The following SARDH variants were observed in gnomAD, a reference collection of about 807,000 sequenced individuals.
SARDH encodes sarcosine dehydrogenase, also known as sarcosine dehydrogenase, mitochondrial.
A neutral mutation model predicts 109.1 loss-of-function variants in SARDH; 95 were observed. The observed-to-expected ratio is 0.87, with a 90% CI of 0.74 to 1.03. The LOEUF is 1.03. SARDH is among the 50% of genes least tolerant of loss of function. The probability of loss-of-function intolerance (pLI) is 0.00; values close to 1 mark genes in which losing one functional copy is unlikely to be tolerated. For synonymous variants in SARDH, 572 were observed against 534.8 expected, an observed-to-expected ratio of 1.07 and a Z score of -0.96; for missense variants, 1,267 against 1,287.8, an observed-to-expected ratio of 0.98 and a Z score of 0.25.
intron 11 of SARDH, among the ~76,000 whole-genome samples, chr9:133,708,018 GGTTCCTGGGTGTGCGTTCCT>G (rs1831761064): frequency 6.6e-6 from 1 of 152,138 alleles, no homozygotes; most frequent in Admixed American, 6.5e-5. Flanking sequence ...GGCAGGGGGC[GGTTCCTGGGTGTGCGTTCCT>G]GCTCCTCCAC....
downstream of SARDH, chr9:133,663,510 C>A (rs886876012): frequency 4.6e-5 from 12 of 261,228 alleles, no homozygotes; most frequent in African/African-American, 2.6e-4. Flanking sequence ...GGAAGCCCGC[C>A]ACCGATCAGT....
intron 17 of SARDH, among the ~76,000 whole-genome samples, 191 bp from the exon 18 acceptor site, chr9:133,671,888 TGAG>T (rs924718597): frequency 1.6e-4 from 25 of 152,200 alleles, no homozygotes; most frequent in African/African-American, 5.3e-4. Context: ...TGGAAATCTT[TGAG>T]GAGAAGTAGG....
At chr9:133,729,676 G>T in intron 6 of SARDH, 89 bp downstream of exon 6, 1 of 1,157,092 alleles carries the variant, frequency 8.6e-7, no homozygotes, top group South Asian at 1.4e-5. Context: ...GACCCACAAG[G>T]GTCACACCAC....
upstream of SARDH, chr9:133,738,364 G>GC (rs1184731059): frequency 1.4e-5 from 2 of 147,296 alleles, no homozygotes; most frequent in African/African-American, 5.0e-5. Flanking sequence ...GGCCTCCCCC[G>GC]CCCCCCACCC....
chr9:133,675,936 T>A (rs1013697122), intron 17 of SARDH, among the ~76,000 whole-genome samples: 10 of 151,668 alleles, frequency 6.6e-5, no homozygotes, highest in Admixed American at 5.9e-4. Flanking sequence ...ACAAAAAAAA[T>A]TTTAGAATTA....
Position 133,671,636 on chromosome 9 carries a change from G to A in SARDH, c.2225C>T (p.Ala742Val), listed in dbSNP as rs202007669. The A allele has an allele frequency of 2.3e-5, 36 of 1,597,938 alleles. No individual in the cohort carries two copies. The highest frequency in any genetic ancestry group is 3.3e-4 in the Middle Eastern group (2 of 6,056). Residue 742 changes from alanine to valine, a missense_variant, in exon 18 of 21, where the codon GCG becomes GTG. By Grantham distance (64) the Ala-to-Val change is moderately conservative. Transcript: ENST00000439388. The part of the protein sequence containing the change: ...ELGWELHIPK[A>V]SCVPVYRAVM... ...AGCCCGGTACACAGGCACGCAGGAC[G>A]CCTTTGGAATGTGCAGCTCCCAGCC...
rs1471841676 is a variant in SARDH, at chr9:133,694,356, G to A, written c.1823C>T (p.Thr608Met). The change falls in exon 15 of 21, where the codon ACG (threonine) becomes ATG (methionine). Residue 608 changes from threonine to methionine, a missense_variant. Coordinates refer to ENST00000439388, the MANE Select transcript of SARDH (RefSeq NM_001134707.2). ...VSRPPGSTVY[T>M]CMLNHRGGTE... ...GCCCCCACGGTGGTTGAGCATGCAC[G>A]TGTACACGGTGGAGCCTGCGAGAGG... The A allele has an allele frequency of 3.2e-6, 5 of 1,550,672 alleles. No individual in the cohort carries two copies. The highest frequency in any genetic ancestry group is 2.4e-5 in the East Asian group (1 of 40,918).
intron 11 of SARDH, among the ~76,000 whole-genome samples, chr9:133,707,708 A>G (rs1293556952): frequency 6.6e-6 from 1 of 152,136 alleles, no homozygotes; most frequent in Non-Finnish European, 1.5e-5. Flanking sequence ...CGAGATGGCC[A>G]GGGAGAGGGG....
At chr9:133,678,818 C>T (rs2797831) in intron 17 of SARDH, among the ~76,000 whole-genome samples, 71,409 of 152,162 alleles carry the variant, frequency 0.47, 18,958 homozygotes, top group African/African-American at 0.74. Context: ...ACATAAAGCT[C>T]TGATTAAATC....
At chr9:133,696,490 G>T (rs529078612) in intron 13 of SARDH, 129 bp from the exon 14 acceptor site, 2 of 1,151,880 alleles carry the variant, frequency 1.7e-6, no homozygotes, top group African/African-American at 1.5e-5. Context: ...CTTCCAGCCC[G>T]CACCAAGCCC....
Position 133,731,386 on chromosome 9 carries a change from C to T in SARDH, c.609G>A (p.Leu203=). ...LMNVDDLYGT[L]YVPHDGTMDP... is the part of the protein sequence containing the mutation. ...CCATGGTACCGTCGTGCGGCACATACAGGGTCCCGTAGAGGTCGTCCACAT... is the reference window on the plus strand; with the variant it reads ...CCATGGTACCGTCGTGCGGCACATATAGGGTCCCGTAGAGGTCGTCCACAT... The change falls in exon 4 of 21, where the codon CTG becomes CTA. Residue 203 remains leucine (L), a synonymous_variant. Coordinates refer to ENST00000439388, the MANE Select transcript of SARDH (RefSeq NM_001134707.2). 6.2e-7 allele frequency: 1 copy of T among 1,614,194 alleles called. No homozygotes were observed. Among genetic ancestry groups the T allele is most frequent in the Non-Finnish European group, 8.5e-7 (1 of 1,180,034 alleles).
chr9:133,682,010 G>A (rs370688056), intron 17 of SARDH, among the ~76,000 whole-genome samples: 4 of 152,092 alleles, frequency 2.6e-5, no homozygotes, highest in African/African-American at 4.8e-5. Context: ...AGCGAGGGGC[G>A]CAGAAATACG....
intron 16 of SARDH, among the ~76,000 whole-genome samples, chr9:133,685,970 G>A (rs1830870943): frequency 6.6e-6 from 1 of 152,136 alleles, no homozygotes; most frequent in Non-Finnish European, 1.5e-5. Flanking sequence ...AGACTTGGAG[G>A]AGGTAGAGAG....
chr9:133,717,378 G>A lies in SARDH; in HGVS notation c.1098C>T (p.Asn366=), dbSNP rs1832164149. 1 of 1,614,186 alleles carries A rather than the reference G, an allele frequency of 6.2e-7. No homozygotes were observed. The highest frequency in any genetic ancestry group is 8.5e-7 in the Non-Finnish European group (1 of 1,180,012). The part of the protein sequence containing the change: ...VFTQHIEGAI[N]RVPVLEKTGI... Reference sequence around the variant, plus strand: ...CTGTCTTCTCCAGCACGGGGACCCTGTTGATGGCGCCTTCAATGTGCTGGG... The same window carrying A: ...CTGTCTTCTCCAGCACGGGGACCCTATTGATGGCGCCTTCAATGTGCTGGG... The change falls in exon 8 of 21, where the codon AAC becomes AAT. Residue 366 remains asparagine, a synonymous_variant. Transcript: ENST00000439388.
intron 17 of SARDH, among the ~76,000 whole-genome samples, chr9:133,680,676 G>A (rs982647055): frequency 6.6e-6 from 1 of 152,196 alleles, no homozygotes; most frequent in Non-Finnish European, 1.5e-5. Flanking sequence ...CATCTCATGG[G>A]ATCTGGACCC....
chr9:133,739,224 G>A (rs767482805), upstream of SARDH, among the ~76,000 whole-genome samples: 5 of 152,202 alleles, frequency 3.3e-5, no homozygotes, highest in Admixed American at 6.5e-5. Context: ...GATCAAAGAC[G>A]GGGCATTTCA....
intron 16 of SARDH, 100 bp downstream of exon 16, chr9:133,690,280 A>G (rs1831043338): frequency 7.2e-7 from 1 of 1,387,482 alleles, no homozygotes; most frequent in African/African-American, 1.4e-5. Flanking sequence ...ACTATTCAGA[A>G]TGGCCCATTC....
At chr9:133,732,324 CTACCCCCCCACAGGGGGTGCACCCACCAA>C in intron 3 of SARDH, 70 bp downstream of exon 3, 1 of 1,021,824 alleles carries the variant, frequency 9.8e-7, no homozygotes, top group Non-Finnish European at 1.4e-6. Context: ...GGAGCCCACC[CTACCCCCCCACAGGGGGTGCACCCACCAA>C]TATGACCCCC....
chr9:133,665,203 T>G (rs1830021203), intron 20 of SARDH, among the ~76,000 whole-genome samples: 1 of 151,676 alleles, frequency 6.6e-6, no homozygotes, highest in Non-Finnish European at 1.5e-5. Context: ...CTGGATGCCG[T>G]TTAACCTCGG....
Sources: allele counts gnomAD v4.1 joint callset (sites outside exome capture counted in the v4.1 genomes callset), GRCh38; gene constraint gnomAD v4.1.1; transcripts MANE v1.5; gene names NCBI Gene and HGNC (gene_info 2026-07-23, HGNC 2026-07-21).